The following ITGA1 variants were observed in gnomAD, a reference collection of about 807,000 sequenced individuals.
ITGA1 encodes integrin alpha-1.
Under a neutral mutation model 145.9 loss-of-function variants are expected in ITGA1, and 85 were observed. The observed-to-expected ratio is 0.58, with a 90% CI of 0.49 to 0.70. The LOEUF (loss-of-function observed/expected upper bound fraction) is 0.70. ITGA1 is among the 30% of genes least tolerant of loss of function. The probability of loss-of-function intolerance (pLI) is 0.00; values close to 1 mark genes in which losing one functional copy is unlikely to be tolerated. For missense variants in ITGA1, 1,351 were observed against 1,418.7 expected (o/e 0.95, Z 0.77); for synonymous variants, 520 against 495.3 (o/e 1.05, Z -0.66).
chr5:52,794,563 G>C (rs1453105421), intron 1 of ITGA1, among the ~76,000 whole-genome samples: 1 of 146,990 alleles, frequency 6.8e-6, no homozygotes, highest in African/African-American at 2.5e-5. Flanking sequence ...TTGTTTATTT[G>C]GTAGGAGGTT....
intron 6 of ITGA1, among the ~76,000 whole-genome samples, chr5:52,880,165 A>T (rs116036703): frequency 8.3e-4 from 126 of 152,236 alleles, no homozygotes; most frequent in Non-Finnish European, 1.3e-3. Flanking sequence ...GGGTGATTGA[A>T]AGAGCCCTTG....
At chr5:52,897,633 C>A in intron 10 of ITGA1, 105 bp downstream of exon 10, 2 of 734,066 alleles carry the variant, frequency 2.7e-6, no homozygotes, top group Non-Finnish European at 4.8e-6. Context: ...CAGTTCATAG[C>A]TTGAACAATT....
Position 52,788,382 on chromosome 5 carries a change from G to T in ITGA1, c.29G>T (p.Gly10Val), listed in dbSNP as rs1256115915. 6 of 1,513,302 alleles carry T rather than the reference G, an allele frequency of 4.0e-6. No individual in the cohort carries two copies. The highest frequency in any genetic ancestry group is 5.3e-6 in the Non-Finnish European group (6 of 1,134,422). 93.7% of individuals were successfully genotyped at this position (1,513,302 alleles called of 1,614,324 possible). A position where few individuals can be genotyped will look rare whatever the true frequency, so the allele number is the denominator to read the frequency against. Reference sequence around the variant, plus strand: ...GCCCCTCGGCCCCGCGCCCGCCCAGGGGTCGCTGTCGCCTGCTGCTGGCTC... The same window carrying T: ...GCCCCTCGGCCCCGCGCCCGCCCAGTGGTCGCTGTCGCCTGCTGCTGGCTC... Reference protein sequence around the residue: MAPRPRARPGVAVACCWLLT... With the variant: MAPRPRARPVVAVACCWLLT... The change falls in exon 1 of 29, where the codon GGG (glycine) becomes GTG (valine). Residue 10 changes from glycine (G) to valine (V), a missense_variant. Gly to Val is a moderately radical substitution (Grantham distance 109). Coordinates refer to ENST00000282588, the MANE Select transcript of ITGA1 (RefSeq NM_181501.2).
intron 1 of ITGA1, among the ~76,000 whole-genome samples, chr5:52,843,532 T>A (rs1429181694): frequency 1.3e-5 from 2 of 152,160 alleles, no homozygotes; most frequent in Non-Finnish European, 2.9e-5. Flanking sequence ...GCTACAGTAA[T>A]ACTCCTTGGA....
chr5:52,815,325 G>T (rs6883810), intron 1 of ITGA1, among the ~76,000 whole-genome samples: 1 of 152,056 alleles, frequency 6.6e-6, no homozygotes, highest in South Asian at 2.1e-4. Context: ...AGCCTGGGAT[G>T]GGGGAAAACA....
At chr5:52,839,864 TAAGTG>T (rs961633266) in intron 1 of ITGA1, among the ~76,000 whole-genome samples, 3 of 151,468 alleles carry the variant, frequency 2.0e-5, no homozygotes, top group Non-Finnish European at 4.4e-5. Flanking sequence ...GCAATGAAAG[TAAGTG>T]AAGTAGTAAC....
intron 28 of ITGA1, among the ~76,000 whole-genome samples, chr5:52,949,790 G>A (rs866250834): frequency 6.6e-6 from 1 of 152,154 alleles, no homozygotes; most frequent in Non-Finnish European, 1.5e-5. Context: ...TTAAAGTTCT[G>A]TTGGAAGCTG....
At chr5:52,884,381 A>G (rs1750013591) in intron 7 of ITGA1, among the ~76,000 whole-genome samples, 1 of 150,136 alleles carries the variant, frequency 6.7e-6, no homozygotes, top group Non-Finnish European at 1.5e-5. Context: ...CAGGAGGCGG[A>G]GGTTGCAGTG....
chr5:52,914,853 T>C (rs1190021275), intron 14 of ITGA1, among the ~76,000 whole-genome samples: 1 of 152,198 alleles, frequency 6.6e-6, no homozygotes. Context: ...CTATGTATGG[T>C]AATGTGCACA....
intron 3 of ITGA1, among the ~76,000 whole-genome samples, chr5:52,862,844 A>G (rs942498415): frequency 2.7e-4 from 41 of 152,246 alleles, no homozygotes; most frequent in African/African-American, 9.6e-4. Flanking sequence ...TTTATTTCAC[A>G]TATTGTATTT....
At chr5:52,840,439 G>A (rs1749236235) in intron 1 of ITGA1, among the ~76,000 whole-genome samples, 2 of 152,224 alleles carry the variant, frequency 1.3e-5, no homozygotes, top group Admixed American at 1.3e-4. Flanking sequence ...CACACGAGTT[G>A]TGTTTCCCAC....
At chr5:52,880,224 A>G (rs1749936256) in intron 6 of ITGA1, among the ~76,000 whole-genome samples, 1 of 151,988 alleles carries the variant, frequency 6.6e-6, no homozygotes, top group Non-Finnish European at 1.5e-5. Context: ...CCACTTCACT[A>G]TAGGGATTGG....
intron 1 of ITGA1, chr5:52,801,557 C>A: frequency 6.2e-7 from 1 of 1,614,132 alleles, no homozygotes; most frequent in Non-Finnish European, 8.5e-7. Flanking sequence ...CCGGATCGAG[C>A]TTTCTATGGA....
rs1285846391 is a variant in ITGA1 at position 52,898,224 on chromosome 5, T to G, written c.1165-15T>G. On this transcript the variant is annotated splice_polypyrimidine_tract_variant and intron_variant, in intron 10 of 28. Coordinates refer to ENST00000282588, the MANE Select transcript of ITGA1 (RefSeq NM_181501.2). The stretch of plus-strand genomic sequence containing the variant: ...TTTTTATTAAATATTATTATCTTAT[T>G]TATTTGCATGTAAGGACTGGGTCAT... 5 of 1,459,912 alleles carry G rather than the reference T, an allele frequency of 3.4e-6. No homozygotes were observed. The highest frequency in any genetic ancestry group is 4.6e-6 in the Non-Finnish European group (5 of 1,097,138). 90.4% of individuals were successfully genotyped at this position (1,459,912 alleles called of 1,614,324 possible).
intron 8 of ITGA1, among the ~76,000 whole-genome samples, chr5:52,890,828 T>A (rs1477790003): frequency 4.6e-5 from 7 of 152,158 alleles, no homozygotes; most frequent in Non-Finnish European, 8.8e-5. Context: ...ATTCCTTCCA[T>A]CTAATTATAG....
intron 24 of ITGA1, among the ~76,000 whole-genome samples, chr5:52,938,602 A>C (rs950154883): frequency 7.9e-5 from 12 of 152,238 alleles, no homozygotes; most frequent in Non-Finnish European, 1.8e-4. Flanking sequence ...TGTACTTTTC[A>C]TACTGCTTAG....
At chr5:52,789,390 T>C (rs962605564) in intron 1 of ITGA1, among the ~76,000 whole-genome samples, 6 of 152,184 alleles carry the variant, frequency 3.9e-5, no homozygotes, top group African/African-American at 1.4e-4. Context: ...TGGTTATTAG[T>C]ACTAGTTAAT....
intron 28 of ITGA1, among the ~76,000 whole-genome samples, chr5:52,950,939 C>T (rs1018801407): frequency 6.6e-6 from 1 of 152,072 alleles, no homozygotes; most frequent in Non-Finnish European, 1.5e-5. Context: ...TTATACTTGG[C>T]TCATATGAAA....
chr5:52,852,672 T>C (rs1749447647), intron 2 of ITGA1, among the ~76,000 whole-genome samples: 1 of 152,154 alleles, frequency 6.6e-6, no homozygotes, highest in Admixed American at 6.6e-5. Context: ...AACCTCAGAC[T>C]GGAATGCAGG....
Sources: allele counts gnomAD v4.1 joint callset (sites outside exome capture counted in the v4.1 genomes callset), GRCh38; gene constraint gnomAD v4.1.1; transcripts MANE v1.5; gene names NCBI Gene and HGNC (gene_info 2026-07-23, HGNC 2026-07-21).